The following ARFGEF2 variants were observed in gnomAD, a reference collection of about 807,000 sequenced individuals.
The protein encoded by ARFGEF2 is brefeldin A-inhibited guanine nucleotide-exchange protein 2.
A neutral mutation model predicts 219.9 loss-of-function variants in ARFGEF2; 74 were observed. The observed-to-expected ratio is 0.34, with a 90% confidence interval of 0.28 to 0.41. The LOEUF is 0.41. Among genes scored for constraint, ARFGEF2 ranks in the 10% least tolerant of loss-of-function variants. The pLI is 1.00. For missense variants in ARFGEF2, 1,743 were observed against 2,218.3 expected, an observed-to-expected ratio of 0.79 and a Z score of 4.30; for synonymous variants, 733 against 799.2, an observed-to-expected ratio of 0.92 and a Z score of 1.40.
chr20:49,006,426 T>C (rs2091459685), intron 26 of ARFGEF2, among the ~76,000 whole-genome samples: 1 of 152,238 alleles, frequency 6.6e-6, no homozygotes, highest in Non-Finnish European at 1.5e-5. Context: ...TTTTAAACTT[T>C]CCATAATAAA....
At chr20:48,980,389 G>T (rs112631808) in intron 14 of ARFGEF2, among the ~76,000 whole-genome samples, 1 of 152,206 alleles carries the variant, frequency 6.6e-6, no homozygotes, top group Non-Finnish European at 1.5e-5. Context: ...GCTGAGGAGT[G>T]CTTTACTTCC....
At chr20:48,964,981 T>G (rs1426288699) in intron 7 of ARFGEF2, among the ~76,000 whole-genome samples, 1 of 152,242 alleles carries the variant, frequency 6.6e-6, no homozygotes, top group East Asian at 1.9e-4. Context: ...ATAAATTAAT[T>G]TCTTACAGAG....
At chr20:48,978,880 C>T (rs1040939158) in intron 14 of ARFGEF2, among the ~76,000 whole-genome samples, 3 of 152,132 alleles carry the variant, frequency 2.0e-5, no homozygotes, top group Non-Finnish European at 2.9e-5. Context: ...TGGGCTGAGA[C>T]GATGGGGTTT....
intron 36 of ARFGEF2, among the ~76,000 whole-genome samples, chr20:49,026,883 G>A (rs960635451): frequency 4.6e-5 from 7 of 151,898 alleles, no homozygotes; most frequent in African/African-American, 1.7e-4. Flanking sequence ...ACTGCACCTG[G>A]CCTTGTTATC....
At chr20:49,022,942 C>A in intron 34 of ARFGEF2, 109 bp from the exon 35 acceptor site, 3 of 1,440,788 alleles carry the variant, frequency 2.1e-6, no homozygotes, top group Non-Finnish European at 2.9e-6. Flanking sequence ...TAGTGAGACC[C>A]CATCTCTTAA....
intron 25 of ARFGEF2, among the ~76,000 whole-genome samples, chr20:49,000,916 A>G (rs1051042947): frequency 1.3e-5 from 2 of 152,186 alleles, no homozygotes; most frequent in African/African-American, 2.4e-5. Context: ...CTCAGTATGT[A>G]TGGACCACTT....
At chr20:48,947,822 C>T (rs1175426067) in intron 3 of ARFGEF2, among the ~76,000 whole-genome samples, 2 of 152,130 alleles carry the variant, frequency 1.3e-5, no homozygotes, top group Non-Finnish European at 2.9e-5. Flanking sequence ...TGCCACTGCA[C>T]TCCAGCCTGG....
intron 14 of ARFGEF2, among the ~76,000 whole-genome samples, chr20:48,979,294 T>C (rs901058242): frequency 3.9e-5 from 6 of 152,230 alleles, no homozygotes; most frequent in African/African-American, 1.4e-4. Context: ...TTTGTGTATG[T>C]TGAACCAGCC....
intron 25 of ARFGEF2, among the ~76,000 whole-genome samples, chr20:49,001,867 T>G (rs1233872316): frequency 6.6e-6 from 1 of 152,248 alleles, no homozygotes; most frequent in African/African-American, 2.4e-5. Context: ...ATTTTGTAAC[T>G]TGTTTCTTCC....
chr20:49,027,556 C>T (rs1482081328), intron 36 of ARFGEF2, among the ~76,000 whole-genome samples: 2 of 151,716 alleles, frequency 1.3e-5, no homozygotes, highest in Non-Finnish European at 2.9e-5. Flanking sequence ...ATTAGTGAGG[C>T]GTGGTGGCGT....
At chr20:49,008,282 G>C (rs1442939385) in intron 26 of ARFGEF2, among the ~76,000 whole-genome samples, 2 of 152,136 alleles carry the variant, frequency 1.3e-5, no homozygotes, top group Non-Finnish European at 2.9e-5. Context: ...ACAATGTTTG[G>C]CCGGGTGTGG....
chr20:48,970,718 G>A (rs996644531), intron 9 of ARFGEF2, among the ~76,000 whole-genome samples: 30 of 152,216 alleles, frequency 2.0e-4, no homozygotes, highest in African/African-American at 7.0e-4. Context: ...TGGGCAGTGG[G>A]GAGGGAGGGC....
chr20:48,991,568 T>C (rs541679298), intron 21 of ARFGEF2, among the ~76,000 whole-genome samples: 44 of 152,070 alleles, frequency 2.9e-4, no homozygotes, highest in Non-Finnish European at 4.1e-4. Flanking sequence ...TTAGAAATGG[T>C]TGATAGTCAC....
intron 28 of ARFGEF2, 108 bp downstream of exon 28, chr20:49,012,192 T>C (rs2091504059): frequency 2.8e-6 from 4 of 1,453,132 alleles, no homozygotes; most frequent in Non-Finnish European, 9.6e-7. Context: ...TAGAAATGTG[T>C]GTTTGCCCTA....
chr20:49,023,580 C>T (rs1366142260), intron 35 of ARFGEF2, among the ~76,000 whole-genome samples: 5 of 150,940 alleles, frequency 3.3e-5, no homozygotes. Context: ...GCTCTGTCGC[C>T]CAGGCTGGAG....
At chr20:48,981,295 G>T (rs576107804) in intron 14 of ARFGEF2, among the ~76,000 whole-genome samples, 1 of 152,336 alleles carries the variant, frequency 6.6e-6, no homozygotes, top group South Asian at 2.1e-4. Flanking sequence ...CTTTAAGAAT[G>T]TTGAATATTG....
chr20:48,941,083 G>T, intron 1 of ARFGEF2, 116 bp from the exon 2 acceptor site: 1 of 921,814 alleles, frequency 1.1e-6, no homozygotes, highest in Non-Finnish European at 1.7e-6. Context: ...CAGCATTTTT[G>T]TATTTAAACA....
At chr20:48,969,429 T>TA (rs1251689472) in intron 9 of ARFGEF2, 152 bp downstream of exon 9, 2 of 1,419,994 alleles carry the variant, frequency 1.4e-6, no homozygotes, top group Non-Finnish European at 1.9e-6. Flanking sequence ...TTCAGACTCA[T>TA]GCAGTCTCTA....
intron 36 of ARFGEF2, among the ~76,000 whole-genome samples, chr20:49,026,307 G>A (rs532346188): frequency 2.6e-5 from 4 of 152,138 alleles, no homozygotes; most frequent in African/African-American, 9.6e-5. Flanking sequence ...TGCAGCCTGG[G>A]TGACAGGGGG....
Sources: allele counts gnomAD v4.1 joint callset (sites outside exome capture counted in the v4.1 genomes callset), GRCh38; gene constraint gnomAD v4.1.1; transcripts MANE v1.5; gene names NCBI Gene and HGNC (gene_info 2026-07-23, HGNC 2026-07-21).